The following WWC2 variants were observed in gnomAD, a reference collection of about 807,000 sequenced individuals.
WWC2 encodes WW and C2 domain containing 2, also known as protein WWC2.
In WWC2, 101 loss-of-function variants were observed where a neutral mutation model predicts 138.5. The ratio of observed to expected loss-of-function variants is 0.73; its 90% CI spans 0.62 to 0.86. WWC2 has a LOEUF of 0.86. Ranked by LOEUF, WWC2 falls within the 40% of genes least tolerant of loss-of-function variation. The pLI, the probability that WWC2 is intolerant of heterozygous loss-of-function variation, is 0.00. For missense variants in WWC2, 1,420 were observed against 1,419.4 expected (o/e 1.00, Z -0.01); for synonymous variants, 558 against 538.4 (o/e 1.04, Z -0.50).
At chr4:183,284,149 T>G in intron 18 of WWC2, 77 bp from the exon 19 acceptor site, 4 of 1,552,098 alleles carry the variant, frequency 2.6e-6, no homozygotes, top group Non-Finnish European at 3.5e-6. Context: ...CATTAGATAT[T>G]TTTTCTTTCT....
intron 22 of WWC2, among the ~76,000 whole-genome samples, chr4:183,315,026 G>T (rs1739390168): frequency 6.6e-6 from 1 of 152,220 alleles, no homozygotes; most frequent in Non-Finnish European, 1.5e-5. Flanking sequence ...AGAAATACGT[G>T]CTGACGGCAT....
rs2111342667 is a variant in WWC2 at position 183,253,974 on chromosome 4, A to G, written c.1171A>G (p.Thr391Ala). The G allele has an allele frequency of 1.2e-6, 2 of 1,613,802 alleles. No individual in the cohort carries two copies. Among genetic ancestry groups the G allele is most frequent in the Non-Finnish European group, 8.5e-7 (1 of 1,179,808 alleles). The stretch of plus-strand genomic sequence containing the variant: ...AGAAGAGTTGCTGTCTGTGAGGGGA[A>G]CACCAAGCAGAGCTCTGGCCGAGAG... ...LEEELLSVRG[T>A]PSRALAERLR... The change falls in exon 9 of 23, where the codon ACA (threonine) becomes GCA (alanine). Residue 391 changes from threonine to alanine, a missense_variant. By Grantham distance (58) the Thr-to-Ala change is moderately conservative (BLOSUM62 0). Coordinates refer to ENST00000403733, the MANE Select transcript of WWC2 (RefSeq NM_024949.6).
chr4:183,177,950 C>T (rs942999632), intron 1 of WWC2, among the ~76,000 whole-genome samples: 37 of 152,188 alleles, frequency 2.4e-4, no homozygotes, highest in Non-Finnish European at 3.8e-4. Flanking sequence ...TGCAAGATCA[C>T]TGAGAGTCAA....
Position 183,099,634 on chromosome 4 carries a change from CCGCGGGGG to C in WWC2, c.131+19_131+26del. On this transcript the variant is annotated intron_variant, in intron 1 of 22. Coordinates refer to ENST00000403733, the MANE Select transcript of WWC2 (RefSeq NM_024949.6). The stretch of plus-strand genomic sequence containing the variant: ...GACCCCCGGGACAGGTGGGCGCCGG[CCGCGGGGG>C]CGCGGGCCCGTTCGGACACGGCGGC... The C allele has an allele frequency of 6.0e-6, 8 of 1,325,060 alleles. No homozygotes were observed. Among genetic ancestry groups the C allele is most frequent in the Non-Finnish European group, 7.8e-6 (8 of 1,020,738 alleles). The allele number at this position is 1,325,060 out of a possible 1,614,324, so 82.1% of individuals were successfully genotyped here.
Position 183,173,636 on chromosome 4 carries a change from C to T in WWC2, c.132-19963C>T, listed in dbSNP as rs538177042. On this transcript the variant is annotated intron_variant, in intron 1 of 22. Coordinates refer to ENST00000403733, the MANE Select transcript of WWC2 (RefSeq NM_024949.6). ...GGATTGCAAGCAGAAGTGATGTGCA[C>T]GTCTCCCCTACCTGGATGATCGATG... Among the ~76,000 whole-genome samples the T allele has an allele frequency of 4.7e-4, 71 of 151,806 alleles. No individual in the cohort carries two copies. The South Asian group carries it at 0.014, about 29-fold the overall frequency.
chr4:183,300,337 A>AT (rs1348197777), intron 21 of WWC2, among the ~76,000 whole-genome samples: 3 of 148,452 alleles, frequency 2.0e-5, no homozygotes, highest in African/African-American at 7.5e-5. Context: ...CAAAGCAGGA[A>AT]TTTCTTTTTT....
intron 4 of WWC2, among the ~76,000 whole-genome samples, chr4:183,210,166 A>G (rs1263528525): frequency 6.6e-6 from 1 of 152,194 alleles, no homozygotes. Context: ...TTATGCCTTA[A>G]TGTACATATC....
At chr4:183,295,805 C>CTTGT (rs141614592) in intron 21 of WWC2, among the ~76,000 whole-genome samples, 1 of 152,042 alleles carries the variant, frequency 6.6e-6, no homozygotes. Flanking sequence ...CCTGACACCC[C>CTTGT]TTGTTTGTTT....
At chr4:183,282,427 G>T (rs1172664753) in intron 17 of WWC2, among the ~76,000 whole-genome samples, 1 of 152,158 alleles carries the variant, frequency 6.6e-6, no homozygotes, top group East Asian at 1.9e-4. Flanking sequence ...ACTCTATAAT[G>T]TGATTTTCAG....
At chr4:183,191,724 T>A (rs1734998003) in intron 1 of WWC2, among the ~76,000 whole-genome samples, 1 of 63,736 alleles carries the variant, frequency 1.6e-5, no homozygotes, top group African/African-American at 5.3e-5. Flanking sequence ...TATTTTTTTT[T>A]AATCATTTTA....
intron 2 of WWC2, among the ~76,000 whole-genome samples, chr4:183,207,499 C>T (rs1223836263): frequency 2.6e-5 from 4 of 152,136 alleles, no homozygotes; most frequent in Non-Finnish European, 5.9e-5. Context: ...ATTACTGTTG[C>T]GGACATAAAA....
chr4:183,142,066 G>A (rs571800404), intron 1 of WWC2, among the ~76,000 whole-genome samples: 61 of 152,310 alleles, frequency 4.0e-4, no homozygotes, highest in African/African-American at 1.4e-3. Flanking sequence ...GTGGGTTGGA[G>A]TGCTATTTTA....
At chr4:183,226,187 C>T (rs943131808) in intron 4 of WWC2, among the ~76,000 whole-genome samples, 3 of 150,790 alleles carry the variant, frequency 2.0e-5, no homozygotes, top group Non-Finnish European at 2.9e-5. Flanking sequence ...GCCTCAGCCT[C>T]CCAGACTCAG....
intron 1 of WWC2, among the ~76,000 whole-genome samples, chr4:183,184,638 T>C (rs1277058731): frequency 6.6e-6 from 1 of 152,190 alleles, no homozygotes; most frequent in East Asian, 1.9e-4. Flanking sequence ...TTGTCAATAC[T>C]CGTGTCTTTT....
chr4:183,269,479 A>G (rs1056762468), intron 15 of WWC2: 2 of 523,620 alleles, frequency 3.8e-6, no homozygotes, highest in Non-Finnish European at 7.6e-6. Context: ...CCCAGTACCA[A>G]TGCCAAGCTT....
At chr4:183,247,356 G>T (rs1736809818) in intron 6 of WWC2, among the ~76,000 whole-genome samples, 1 of 151,522 alleles carries the variant, frequency 6.6e-6, no homozygotes, top group African/African-American at 2.4e-5. Context: ...TGAGTTTGAA[G>T]AACACTGACT....
chr4:183,163,566 C>T (rs954318916), intron 1 of WWC2, among the ~76,000 whole-genome samples: 9 of 152,200 alleles, frequency 5.9e-5, no homozygotes, highest in Non-Finnish European at 1.2e-4. Flanking sequence ...AAACAGCTGA[C>T]TACCAATGAG....
chr4:183,316,774 A>G lies in WWC2; in HGVS notation c.*1045A>G, dbSNP rs992922920. On this transcript the variant is annotated 3_prime_UTR_variant, in exon 23 of 23. Transcript: ENST00000403733. ...TAACATTTAGTAGAAACTACTTCAT[A>G]GCTCTCATTTTTAGGGGGTTCTATC... 3 of 152,220 alleles carry G rather than the reference A, an allele frequency of 2.0e-5. No homozygotes were observed. Among genetic ancestry groups the G allele is most frequent in the African/African-American group, 7.2e-5 (3 of 41,444 alleles). 9.4% of individuals were successfully genotyped at this position (152,220 alleles called of 1,614,324 possible). A position where few individuals can be genotyped will look rare whatever the true frequency, so the allele number is the denominator to read the frequency against.
At chr4:183,232,885 C>G (rs1322048182) in intron 4 of WWC2, among the ~76,000 whole-genome samples, 1 of 151,786 alleles carries the variant, frequency 6.6e-6, no homozygotes, top group Non-Finnish European at 1.5e-5. Flanking sequence ...TGACCTCAAG[C>G]AATCCATCCA....
Sources: gnomAD v4.1 joint callset for allele counts (sites outside exome capture counted in the v4.1 genomes callset) on GRCh38, gnomAD v4.1.1 for gene constraint, MANE v1.5 for transcripts, NCBI Gene and HGNC (gene_info 2026-07-23, HGNC 2026-07-21) for gene names.